Variants in BTAF1 observed in about 807,000 individuals in gnomAD.
The protein encoded by BTAF1 is TATA-binding protein-associated factor 172.
Under a neutral mutation model 227.1 loss-of-function variants are expected in BTAF1, and 38 were observed. The ratio of observed to expected loss-of-function variants is 0.17; its 90% CI spans 0.13 to 0.22. The LOEUF (loss-of-function observed/expected upper bound fraction) is 0.22, where lower values mean the gene tolerates loss of function less well. BTAF1 is among the 10% of genes least tolerant of loss of function. The pLI, the probability that BTAF1 is intolerant of heterozygous loss-of-function variation, is 1.00. For synonymous variants in BTAF1, 742 were observed against 751.9 expected, an observed-to-expected ratio of 0.99 and a Z score of 0.21; for missense variants, 1,598 against 2,204.0, an observed-to-expected ratio of 0.73 and a Z score of 5.51.
At chr10:91,931,124 A>C (rs896867263) in intron 1 of BTAF1, among the ~76,000 whole-genome samples, 2 of 152,216 alleles carry the variant, frequency 1.3e-5, no homozygotes, top group Non-Finnish European at 2.9e-5. Flanking sequence ...GAATTAACAT[A>C]ATGCAAACAT....
chr10:91,950,153 G>GGT lies in BTAF1; in HGVS notation c.401-1249_401-1248insTG, dbSNP rs1564666049. ...GTGAGAGACCTTGTCCTTTGTGGGGGGGGGCGGGAAAGAAGACTAGGTTTT... is the reference window on the plus strand; with the variant it reads ...GTGAGAGACCTTGTCCTTTGTGGGGGGTGGGGCGGGAAAGAAGACTAGGTTTT... On this transcript the variant is annotated intron_variant, in intron 4 of 37. Coordinates refer to ENST00000265990, the MANE Select transcript of BTAF1 (RefSeq NM_003972.3). Among the ~76,000 whole-genome samples the GGT allele has an allele frequency of 5.6e-5, 5 of 89,968 alleles. 1 individual carries two copies. In the South Asian group the frequency reaches 3.0e-3, roughly 54 times the overall value. The allele number at this position is 89,968 out of a possible 152,430, so 59.0% of individuals were successfully genotyped here.
chr10:91,939,605 A>C (rs1390784504), intron 2 of BTAF1, among the ~76,000 whole-genome samples: 1 of 151,866 alleles, frequency 6.6e-6, no homozygotes, highest in African/African-American at 2.4e-5. Flanking sequence ...TGCCTGGCTA[A>C]TTTTGTATTT....
chr10:91,960,489 A>G (rs1292860712), intron 11 of BTAF1, among the ~76,000 whole-genome samples: 1 of 152,182 alleles, frequency 6.6e-6, no homozygotes, highest in Non-Finnish European at 1.5e-5. Context: ...GGGCTATACA[A>G]CATGGTGCCA....
At chr10:91,944,853 A>G (rs950831938) in intron 4 of BTAF1, among the ~76,000 whole-genome samples, 5 of 152,374 alleles carry the variant, frequency 3.3e-5, no homozygotes, top group Admixed American at 1.3e-4. Flanking sequence ...AGGACTGCAT[A>G]TACAGTTGTG....
intron 25 of BTAF1, 51 bp from the exon 26 acceptor site, chr10:92,008,072 A>C (rs765775916): frequency 1.4e-6 from 2 of 1,468,200 alleles, no homozygotes; most frequent in Admixed American, 2.5e-5. Flanking sequence ...TGATCTAAGA[A>C]TGAAAACTGT....
chr10:91,985,635 A>G (rs768050587), intron 19 of BTAF1, among the ~76,000 whole-genome samples: 46 of 152,186 alleles, frequency 3.0e-4, no homozygotes, highest in Admixed American at 1.2e-3. Flanking sequence ...ACTCCACATC[A>G]TCAATATTTG....
chr10:92,000,445 T>C (rs1849441586), intron 25 of BTAF1, among the ~76,000 whole-genome samples: 1 of 152,212 alleles, frequency 6.6e-6, no homozygotes, highest in African/African-American at 2.4e-5. Context: ...GCCATTTGAA[T>C]ATGGATTAGA....
chr10:91,981,518 T>G (rs1400329964), intron 15 of BTAF1, 125 bp from the exon 16 acceptor site: 5 of 1,047,956 alleles, frequency 4.8e-6, no homozygotes, highest in Non-Finnish European at 4.0e-6. Context: ...GCCTCTATAT[T>G]GAATTTCTAA....
intron 8 of BTAF1, among the ~76,000 whole-genome samples, chr10:91,957,708 T>A (rs1376406953): frequency 1.3e-5 from 2 of 152,192 alleles, no homozygotes; most frequent in African/African-American, 4.8e-5. Context: ...TTCCTCTGCT[T>A]GAAGTTGAGG....
At chr10:92,008,344 G>GT (rs2134103031) in intron 26 of BTAF1, 69 bp downstream of exon 26, 2 of 1,386,762 alleles carry the variant, frequency 1.4e-6, no homozygotes, top group African/African-American at 1.5e-5. Flanking sequence ...TGTTGGGGGG[G>GT]GCTTTTGTTT....
intron 34 of BTAF1, among the ~76,000 whole-genome samples, chr10:92,020,906 A>C (rs1851073632): frequency 6.6e-6 from 1 of 152,034 alleles, no homozygotes. Flanking sequence ...AATTACATTG[A>C]TCTCTTATTT....
At chr10:91,984,930 T>C (rs1238252577) in intron 19 of BTAF1, among the ~76,000 whole-genome samples, 3 of 152,190 alleles carry the variant, frequency 2.0e-5, no homozygotes, top group Non-Finnish European at 4.4e-5. Context: ...CTAAGTAAGT[T>C]TCAGATATCA....
At position 91,969,543 on chromosome 10, in the gene BTAF1, G is replaced by A. The variant is rs541416902; in HGVS notation, c.1650+2786G>A. Among the ~76,000 whole-genome samples, 235 of 152,054 alleles carry A rather than the reference G, an allele frequency of 1.5e-3. 1 individual carries two copies. The highest frequency in any genetic ancestry group is 2.8e-3 in the Non-Finnish European group (190 of 67,968). ...TGCAGTAATTGAACTGTTCTTTTTC[G>A]GTTTGCTGTTGCCTAATTTTTATCT... On this transcript the variant is annotated intron_variant, in intron 14 of 37. Coordinates refer to ENST00000265990, the MANE Select transcript of BTAF1 (RefSeq NM_003972.3).
chr10:91,987,817 G>A (rs535412149), intron 19 of BTAF1, among the ~76,000 whole-genome samples: 25 of 151,708 alleles, frequency 1.6e-4, no homozygotes, highest in South Asian at 4.2e-4. Flanking sequence ...TTCTTCTTGC[G>A]CAAGTACGCT....
rs3980612 is a variant in BTAF1, at chr10:91,991,271, AATATATATAT to A, written c.2855-836_2855-827del. On this transcript the variant is annotated intron_variant, in intron 20 of 37. Transcript: ENST00000265990. ...AAAAAAATATATAAATATAAATATA[AATATATATAT>A]ATATATATATAAATTATCCGGACGT... 3.2e-4 allele frequency among the ~76,000 whole-genome samples: 21 copies of A among 66,232 alleles called. 2 individuals are homozygous for A. The East Asian group carries it at 5.4e-3, about 17-fold the overall frequency. 43.5% of individuals were successfully genotyped at this position (66,232 alleles called of 152,430 possible). A position where few individuals can be genotyped will look rare whatever the true frequency, so the allele number is the denominator to read the frequency against.
At chr10:91,980,881 C>T (rs184760991) in intron 15 of BTAF1, among the ~76,000 whole-genome samples, 1 of 152,210 alleles carries the variant, frequency 6.6e-6, no homozygotes, top group East Asian at 1.9e-4. Flanking sequence ...GCTTATAGAT[C>T]CTGCAAAGTA....
intron 20 of BTAF1, among the ~76,000 whole-genome samples, chr10:91,991,810 T>TATATATATATAC (rs1848803078): frequency 9.2e-5 from 2 of 21,786 alleles, no homozygotes; most frequent in African/African-American, 5.6e-4. Flanking sequence ...TATATATATA[T>TATATATATATAC]ATATATATAT....
At chr10:91,932,601 A>C (rs1380017626) in intron 1 of BTAF1, among the ~76,000 whole-genome samples, 2 of 152,204 alleles carry the variant, frequency 1.3e-5, no homozygotes, top group Non-Finnish European at 2.9e-5. Flanking sequence ...CTAATGAGGA[A>C]AATTAGACCT....
At chr10:91,955,160 C>T (rs1389561081) in intron 6 of BTAF1, among the ~76,000 whole-genome samples, 1 of 152,160 alleles carries the variant, frequency 6.6e-6, no homozygotes, top group East Asian at 1.9e-4. Context: ...AAGTTAACAG[C>T]TCATTAAGAT....
Sources: gnomAD v4.1 joint callset for allele counts (sites outside exome capture counted in the v4.1 genomes callset) on GRCh38, gnomAD v4.1.1 for gene constraint, MANE v1.5 for transcripts, NCBI Gene and HGNC (gene_info 2026-07-23, HGNC 2026-07-21) for gene names.